TRIL: variants seen among roughly 807,000 people sequenced by gnomAD.
TRIL encodes the protein TLR4 interactor with leucine rich repeats.
Under a neutral mutation model 43.0 loss-of-function variants are expected in TRIL, and 23 were observed. The ratio of observed to expected loss-of-function variants is 0.54; its 90% CI spans 0.39 to 0.76. The LOEUF (loss-of-function observed/expected upper bound fraction) is 0.76. Ranked by LOEUF, TRIL falls within the 30% of genes least tolerant of loss-of-function variation. TRIL has a pLI of 0.00. For missense variants in TRIL, 1,114 were observed against 1,139.3 expected, an observed-to-expected ratio of 0.98 and a Z score of 0.32; for synonymous variants, 602 against 556.8, an observed-to-expected ratio of 1.08 and a Z score of -1.14.
At position 28,956,494 on chromosome 7, in the gene TRIL, C is replaced by A; in HGVS notation, c.1553G>T (p.Gly518Val). The A allele has an allele frequency of 6.4e-7, 1 of 1,572,030 alleles. No homozygotes were observed. Among genetic ancestry groups the A allele is most frequent in the Non-Finnish European group, 8.6e-7 (1 of 1,167,084 alleles). ...GGCGGGATCTGCCCGAGTCGGACGG[C>A]CCCGCTGGGGCTTCTTGTGCAGGTC... ...SLDLHKKPQR[G>V]RPTRADPALA... The change falls in exon 1 of 1, where the codon GGC (glycine) becomes GTC (valine). Residue 518 changes from glycine to valine, a missense_variant. Coordinates refer to ENST00000539664, the MANE Select transcript of TRIL (RefSeq NM_014817.4).
At position 28,957,024 on chromosome 7, in the gene TRIL, G is replaced by A; in HGVS notation, c.1023C>T (p.Ser341=). The A allele has an allele frequency of 6.3e-7, 1 of 1,581,300 alleles. No individual in the cohort carries two copies. Residue 341 remains serine, a synonymous_variant, in exon 1 of 1, where the codon TCC becomes TCT. Coordinates refer to ENST00000539664, the MANE Select transcript of TRIL (RefSeq NM_014817.4). ...CTGGGCTGGCGGCGAAGATGTCCCCGGATAGGGCGCTGAGCGCGTTGTTGC... is the reference window on the plus strand; with the variant it reads ...CTGGGCTGGCGGCGAAGATGTCCCCAGATAGGGCGCTGAGCGCGTTGTTGC... The part of the protein sequence containing the change: ...SLRNNALSAL[S]GDIFAASPAL...
Position 28,955,643 on chromosome 7 carries a change from C to G in TRIL, c.2404G>C (p.Glu802Gln), listed in dbSNP as rs1030563902. Residue 802 changes from glutamate to glutamine, a missense_variant, in exon 1 of 1, where the codon GAG becomes CAG. Physicochemically the swap from Glu to Gln is conservative, Grantham distance 29 (BLOSUM62 2). Coordinates refer to ENST00000539664, the MANE Select transcript of TRIL (RefSeq NM_014817.4). ...GGGAGGSLRR[E>Q]DRLLQRFAD Reference sequence around the variant, plus strand: ...GCAAATCGCTGCAGGAGACGGTCCTCCCGTCTCAGGCTGCCGCCCGCGCCG... The same window carrying G: ...GCAAATCGCTGCAGGAGACGGTCCTGCCGTCTCAGGCTGCCGCCCGCGCCG... 1.3e-6 allele frequency: 2 copies of G among 1,545,664 alleles called. No individual in the cohort carries two copies. The highest frequency in any genetic ancestry group is 2.4e-5 in the East Asian group (1 of 40,874).
In TRIL at chr7:28,955,888, C is replaced by G. The variant is rs898081664; in HGVS notation, c.2159G>C (p.Arg720Pro). Residue 720 changes from arginine (R) to proline (P), a missense_variant, in exon 1 of 1, where the codon CGC becomes CCC. Transcript: ENST00000539664. ...VLLALAAWAS[R>P]WLRRKLRARR... is the part of the protein sequence containing the mutation. ...AGCCCGCAGTTTCCTACGCAGCCAG[C>G]GAGACGCCCAGGCCGCCAAGGCCAG... 1.0e-5 allele frequency: 16 copies of G among 1,550,512 alleles called. No homozygotes were observed. The East Asian group carries it at 3.4e-4, about 33-fold the overall frequency.
At position 28,955,080 on chromosome 7, in the gene TRIL, C is replaced by T. The variant is rs983972721; in HGVS notation, c.*531G>A. On this transcript the variant is annotated 3_prime_UTR_variant, in exon 1 of 1. Transcript: ENST00000539664. ...TGAATGCTCTATCAGCCAACATAAACGAGTTCCTTGGCGGGTATGTTAAAC... is the reference window on the plus strand; with the variant it reads ...TGAATGCTCTATCAGCCAACATAAATGAGTTCCTTGGCGGGTATGTTAAAC... The T allele has an allele frequency of 6.5e-6, 1 of 153,298 alleles. No homozygotes were observed. Among genetic ancestry groups the T allele is most frequent in the Admixed American group, 6.5e-5 (1 of 15,290 alleles). 9.5% of individuals were successfully genotyped at this position (153,298 alleles called of 1,614,324 possible).
chr7:28,956,973 G>A lies in TRIL; in HGVS notation c.1074C>T (p.Gly358=). The A allele has an allele frequency of 6.3e-7, 1 of 1,586,606 alleles. No individual in the cohort carries two copies. Among genetic ancestry groups the A allele is most frequent in the Non-Finnish European group, 8.6e-7 (1 of 1,167,904 alleles). The change falls in exon 1 of 1, where the codon GGC becomes GGT. Residue 358 remains glycine, a synonymous_variant. Transcript: ENST00000539664. ...GCCGGCAGTCGCAGGTCCAGCCGTT[G>A]CCGTCTAGATCCAGCCGATAAAGGG... is the stretch of plus-strand genomic sequence containing the variant. ...SPALYRLDLD[G]NGWTCDCRLR...
Position 28,954,079 on chromosome 7 carries a change from C to T in TRIL, c.*1532G>A, listed in dbSNP as rs538539118. ...CATGGTACTCCACTGCCAATAAATC[C>T]ATAACCACTGTGACCATAACCACAG... On this transcript the variant is annotated 3_prime_UTR_variant, in exon 1 of 1. Coordinates refer to ENST00000539664, the MANE Select transcript of TRIL (RefSeq NM_014817.4). The T allele has an allele frequency of 1.8e-4, 28 of 152,720 alleles. No individual in the cohort carries two copies. Among genetic ancestry groups the T allele is most frequent in the African/African-American group, 6.0e-4 (25 of 41,540 alleles). 9.5% of individuals were successfully genotyped at this position (152,720 alleles called of 1,614,324 possible). A position where few individuals can be genotyped will look rare whatever the true frequency, so the allele number is the denominator to read the frequency against.
Position 28,956,475 on chromosome 7 carries a change from A to G in TRIL, c.1572T>C (p.Asp524=). ...KPQRGRPTRA[D]PALAEPTPTA... ...TTGGGGTGGGCTCCGCGAGGGCGGGATCTGCCCGAGTCGGACGGCCCCGCT... is the reference window on the plus strand; with the variant it reads ...TTGGGGTGGGCTCCGCGAGGGCGGGGTCTGCCCGAGTCGGACGGCCCCGCT... The change falls in exon 1 of 1, where the codon GAT becomes GAC. Residue 524 remains aspartate, a synonymous_variant. Transcript: ENST00000539664. 1.3e-6 allele frequency: 2 copies of G among 1,557,508 alleles called. No individual in the cohort carries two copies. Among genetic ancestry groups the G allele is most frequent in the Non-Finnish European group, 1.7e-6 (2 of 1,159,504 alleles).
At position 28,957,409 on chromosome 7, in the gene TRIL, T is replaced by G; in HGVS notation, c.638A>C (p.Asn213Thr). Reference sequence around the variant, plus strand: ...GTGGCGCAGGGAGGGCTGTAGCTCGTTGGCAGAGAGGTTGAGGAAGCGCAG... The same window carrying G: ...GTGGCGCAGGGAGGGCTGTAGCTCGGTGGCAGAGAGGTTGAGGAAGCGCAG... Reference protein sequence around the residue: ...GKLRFLNLSANELQPSLRHAA... With the variant: ...GKLRFLNLSATELQPSLRHAA... Residue 213 changes from asparagine (N) to threonine (T), a missense_variant, in exon 1 of 1, where the codon AAC (asparagine) becomes ACC (threonine). Coordinates refer to ENST00000539664, the MANE Select transcript of TRIL (RefSeq NM_014817.4). The G allele has an allele frequency of 6.2e-7, 1 of 1,613,442 alleles. No homozygotes were observed. Among genetic ancestry groups the G allele is most frequent in the Non-Finnish European group, 8.5e-7 (1 of 1,179,832 alleles).
chr7:28,956,536 G>C lies in TRIL; in HGVS notation c.1511C>G (p.Pro504Arg). 1.3e-6 allele frequency: 2 copies of C among 1,556,892 alleles called. No homozygotes were observed. Among genetic ancestry groups the C allele is most frequent in the South Asian group, 1.2e-5 (1 of 84,740 alleles). Reference sequence around the variant, plus strand: ...GTGCAGGTCTAGGGACTGTGGAGCCGGGCCCGCGGCGGCAGCGACGGAGGG... The same window carrying C: ...GTGCAGGTCTAGGGACTGTGGAGCCCGGCCCGCGGCGGCAGCGACGGAGGG... ...PSPSVAAAAG[P>R]APQSLDLHKK... The change falls in exon 1 of 1, where the codon CCG becomes CGG. Residue 504 changes from proline to arginine, a missense_variant. Physicochemically the swap from Pro to Arg is moderately radical, Grantham distance 103. Transcript: ENST00000539664.
chr7:28,957,371 C>T lies in TRIL; in HGVS notation c.676G>A (p.Ala226Thr), dbSNP rs1451342511. The change falls in exon 1 of 1, where the codon GCA becomes ACA. Residue 226 changes from alanine (A) to threonine (T), a missense_variant. By Grantham distance (58) the Ala-to-Thr change is moderately conservative. Transcript: ENST00000539664. ...QPSLRHAATF[A>T]PLRSLSSLIL... The stretch of plus-strand genomic sequence containing the variant: ...AGGGAGGAGAGGGAGCGCAGCGGTG[C>T]GAAGGTGGCCGCGTGGCGCAGGGAG... 6.2e-7 allele frequency: 1 copy of T among 1,613,278 alleles called. No individual in the cohort carries two copies. The highest frequency in any genetic ancestry group is 1.1e-5 in the South Asian group (1 of 91,068).
Position 28,957,636 on chromosome 7 carries a change from G to T in TRIL, c.411C>A (p.Tyr137Ter). Residue 137 changes from tyrosine to a stop codon, truncating the protein, a stop_gained, in exon 1 of 1, where the codon TAC becomes TAA. Transcript: ENST00000539664. LOFTEE classifies it high-confidence loss of function. ...GGCGGCTGATCTCGTTCCCGTTGGC[G>T]TAGAGGATGCGCAGCTTGCGCAGCG... ...LAPLRKLRIL[Y>*]ANGNEISRLS... The T allele has an allele frequency of 6.2e-7, 1 of 1,610,472 alleles. No homozygotes were observed. Among genetic ancestry groups the T allele is most frequent in the Non-Finnish European group, 8.5e-7 (1 of 1,178,526 alleles).
In TRIL at chr7:28,957,459, C is replaced by G. The variant is rs1373727517; in HGVS notation, c.588G>C (p.Lys196Asn). ...LESNRIRFLGKNAFAQLGKLR... is the reference protein window; with the variant it reads ...LESNRIRFLGNNAFAQLGKLR... ...GCTTGCCTAGCTGGGCGAAGGCGTTCTTGCCCAGAAAGCGGATCCGGTTGG... is the reference window on the plus strand; with the variant it reads ...GCTTGCCTAGCTGGGCGAAGGCGTTGTTGCCCAGAAAGCGGATCCGGTTGG... Residue 196 changes from lysine (K) to asparagine (N), a missense_variant, in exon 1 of 1, where the codon AAG becomes AAC. Coordinates refer to ENST00000539664, the MANE Select transcript of TRIL (RefSeq NM_014817.4). 6.2e-7 allele frequency: 1 copy of G among 1,613,386 alleles called. No homozygotes were observed.
Position 28,957,598 on chromosome 7 carries a change from G to C in TRIL, c.449C>G (p.Ser150Cys), listed in dbSNP as rs756015349. The change falls in exon 1 of 1, where the codon TCC (serine) becomes TGC (cysteine). Residue 150 changes from serine (S) to cysteine (C), a missense_variant. Coordinates refer to ENST00000539664, the MANE Select transcript of TRIL (RefSeq NM_014817.4). ...GNEISRLSRG[S>C]FEGLESLVKL... ...GACTAGACTCTCCAGGCCCTCGAAG[G>C]AGCCGCGGCTTAGGCGGCTGATCTC... The C allele has an allele frequency of 1.2e-6, 2 of 1,612,108 alleles. No homozygotes were observed. The highest frequency in any genetic ancestry group is 2.2e-5 in the South Asian group (2 of 90,898).
chr7:28,956,249 C>T lies in TRIL; in HGVS notation c.1798G>A (p.Ala600Thr), dbSNP rs761190848. The T allele has an allele frequency of 2.6e-6, 4 of 1,547,434 alleles. No homozygotes were observed. The highest frequency in any genetic ancestry group is 3.5e-6 in the Non-Finnish European group (4 of 1,149,274). ...TCGCGCACGGCCCAGCGCACCGAGGCGCTGTCTGCGCCCACCGCCTCCACC... is the reference window on the plus strand; with the variant it reads ...TCGCGCACGGCCCAGCGCACCGAGGTGCTGTCTGCGCCCACCGCCTCCACC... ...LTVEAVGADS[A>T]SVRWAVREHR... The change falls in exon 1 of 1, where the codon GCC becomes ACC. Residue 600 changes from alanine to threonine, a missense_variant. By Grantham distance (58) the Ala-to-Thr change is moderately conservative. Transcript: ENST00000539664.
In TRIL at chr7:28,957,603, G is replaced by A. The variant is rs377523192; in HGVS notation, c.444C>T (p.Arg148=). The A allele has an allele frequency of 1.6e-5, 25 of 1,611,278 alleles. 2 individuals are homozygous for A. In the African/African-American group the frequency reaches 2.8e-4, roughly 18 times the overall value. The change falls in exon 1 of 1, where the codon CGC becomes CGT. Residue 148 remains arginine (R), a synonymous_variant. Transcript: ENST00000539664. ...ANGNEISRLS[R]GSFEGLESLV... is the part of the protein sequence containing the mutation. The stretch of plus-strand genomic sequence containing the variant: ...GACTCTCCAGGCCCTCGAAGGAGCC[G>A]CGGCTTAGGCGGCTGATCTCGTTCC...
chr7:28,957,712 A>T lies in TRIL; in HGVS notation c.335T>A (p.Leu112Gln). The T allele has an allele frequency of 6.2e-7, 1 of 1,612,032 alleles. No individual in the cohort carries two copies. Among genetic ancestry groups the T allele is most frequent in the East Asian group, 2.2e-5 (1 of 44,832 alleles). The change falls in exon 1 of 1, where the codon CTG (leucine) becomes CAG (glutamine). Residue 112 changes from leucine (L) to glutamine (Q), a missense_variant. By Grantham distance (113) the Leu-to-Gln change is moderately radical. Coordinates refer to ENST00000539664, the MANE Select transcript of TRIL (RefSeq NM_014817.4). ...TFEKLSRLEE[L>Q]YLGNNLLQAL... ...CTGCAAGAGGTTGTTCCCCAGGTAC[A>T]GCTCTTCCAGCCGCGAGAGCTTCTC... is the stretch of plus-strand genomic sequence containing the variant.
chr7:28,955,255 C>A lies in TRIL; in HGVS notation c.*356G>T. On this transcript the variant is annotated 3_prime_UTR_variant, in exon 1 of 1. Transcript: ENST00000539664. ...CACTGAGCAAACAAAAAGCATGCAC[C>A]CAAATATTTCTGGCCATGTTGGGGG... The A allele has an allele frequency of 3.5e-6, 1 of 286,590 alleles. No individual in the cohort carries two copies. Among genetic ancestry groups the A allele is most frequent in the Non-Finnish European group, 6.4e-6 (1 of 155,256 alleles). The allele number at this position is 286,590 out of a possible 1,614,324, so 17.8% of individuals were successfully genotyped here.
In TRIL at chr7:28,957,531, G is replaced by T. The variant is rs771391355; in HGVS notation, c.516C>A (p.Asp172Glu). Residue 172 changes from aspartate to glutamate, a missense_variant, in exon 1 of 1, where the codon GAC (aspartate) becomes GAA (glutamate). Coordinates refer to ENST00000539664, the MANE Select transcript of TRIL (RefSeq NM_014817.4). ...GGTTGCCCAAGGGAGCGAAGACCGC[G>T]TCCGGCAGCGCCCCCAGGGCGTTCC... ...LDGNALGALP[D>E]AVFAPLGNLL... 2 of 1,612,856 alleles carry T rather than the reference G, an allele frequency of 1.2e-6. No homozygotes were observed. The highest frequency in any genetic ancestry group is 2.7e-5 in the African/African-American group (2 of 74,936).
chr7:28,956,791 G>T lies in TRIL; in HGVS notation c.1256C>A (p.Pro419His). 2 of 1,611,328 alleles carry T rather than the reference G, an allele frequency of 1.2e-6. No homozygotes were observed. The highest frequency in any genetic ancestry group is 8.5e-7 in the Non-Finnish European group (1 of 1,179,418). Residue 419 changes from proline (P) to histidine (H), a missense_variant, in exon 1 of 1, where the codon CCC becomes CAC. Transcript: ENST00000539664. ...GCGGTCAGCGGTCAGGGAAGCTGAG[G>T]GCGAGGGATCCGCGCAGGATCCATT... is the stretch of plus-strand genomic sequence containing the variant. ...LQNGSCADPS[P>H]SASLTADRRR...
Sources: gnomAD v4.1 joint callset for allele counts on GRCh38, gnomAD v4.1.1 for gene constraint, MANE v1.5 for transcripts, NCBI Gene and HGNC (gene_info 2026-07-23, HGNC 2026-07-21) for gene names.